ADAMTS12: variants seen among roughly 807,000 people sequenced by gnomAD.
ADAMTS12 encodes the protein A disintegrin and metalloproteinase with thrombospondin motifs 12.
In ADAMTS12, 118 loss-of-function variants were observed where a neutral mutation model predicts 167.8. The ratio of observed to expected loss-of-function variants is 0.70; its 90% CI spans 0.61 to 0.82. ADAMTS12 has a LOEUF of 0.82. Among genes scored for constraint, ADAMTS12 ranks in the 40% least tolerant of loss-of-function variants. ADAMTS12 has a pLI of 0.00. For synonymous variants in ADAMTS12, 704 were observed against 716.9 expected (o/e 0.98, Z 0.29); for missense variants, 1,916 against 1,998.8 (o/e 0.96, Z 0.79).
chr5:33,567,171 ATG>A (rs1746057032), intron 19 of ADAMTS12, among the ~76,000 whole-genome samples: 1 of 150,962 alleles, frequency 6.6e-6, no homozygotes, highest in African/African-American at 2.5e-5. Flanking sequence ...ACACACACAC[ATG>A]TCATTCATAT....
intron 2 of ADAMTS12, among the ~76,000 whole-genome samples, chr5:33,867,000 C>T (rs1296667245): frequency 6.6e-6 from 1 of 151,968 alleles, no homozygotes; most frequent in Non-Finnish European, 1.5e-5. Context: ...AATGCTTATA[C>T]ACTGCTGGTG....
intron 2 of ADAMTS12, among the ~76,000 whole-genome samples, chr5:33,770,557 T>C (rs1188804783): frequency 6.6e-6 from 1 of 152,110 alleles, no homozygotes. Context: ...ATCTGAAATA[T>C]AAACTCAGAA....
intron 2 of ADAMTS12, among the ~76,000 whole-genome samples, chr5:33,870,775 C>T (rs1479423547): frequency 1.3e-5 from 2 of 152,170 alleles, no homozygotes; most frequent in African/African-American, 4.8e-5. Flanking sequence ...AGTGAGTTCT[C>T]ATGAGATCTG....
chr5:33,560,990 C>T (rs921242097), intron 20 of ADAMTS12, 37 bp downstream of exon 20: 4 of 1,609,080 alleles, frequency 2.5e-6, no homozygotes, highest in Non-Finnish European at 3.4e-6. Context: ...TCCCCACCTT[C>T]TCTACCTCCA....
intron 16 of ADAMTS12, among the ~76,000 whole-genome samples, chr5:33,601,785 C>T (rs889364950): frequency 1.3e-5 from 2 of 152,170 alleles, no homozygotes; most frequent in Non-Finnish European, 2.9e-5. Flanking sequence ...TACTTTTTCT[C>T]TCCCTGAAAT....
At position 33,536,604 on chromosome 5, in the gene ADAMTS12, AGGT is replaced by A. The variant is rs1338787878; in HGVS notation, c.4447-1615_4447-1613del. 7.6e-3 allele frequency among the ~76,000 whole-genome samples: 1,152 copies of A among 152,268 alleles called. 13 individuals carry two copies. Among genetic ancestry groups the A allele is most frequent in the African/African-American group, 0.026 (1,090 of 41,536 alleles). ...AGTTTCACTTAATAATAGATCATAG[AGGT>A]TACGAGTGATTCCAAAGGCTGGCCT... is the stretch of plus-strand genomic sequence containing the variant. On this transcript the variant is annotated intron_variant, in intron 22 of 23. Coordinates refer to ENST00000504830, the MANE Select transcript of ADAMTS12 (RefSeq NM_030955.4).
intron 2 of ADAMTS12, among the ~76,000 whole-genome samples, chr5:33,875,388 G>A (rs916458575): frequency 4.6e-5 from 7 of 152,188 alleles, no homozygotes; most frequent in African/African-American, 1.4e-4. Flanking sequence ...TACTCCGGTG[G>A]GGGATGTTGA....
chr5:33,747,037 G>A (rs1201908591), intron 3 of ADAMTS12, among the ~76,000 whole-genome samples: 1 of 152,134 alleles, frequency 6.6e-6, no homozygotes, highest in Non-Finnish European at 1.5e-5. Flanking sequence ...TTTCCTACTG[G>A]TTGTTCTTAT....
chr5:33,848,992 T>C (rs1421360736), intron 2 of ADAMTS12, among the ~76,000 whole-genome samples: 2 of 150,756 alleles, frequency 1.3e-5, no homozygotes, highest in African/African-American at 2.4e-5. Flanking sequence ...TATATATATA[T>C]GTATTGCATA....
At chr5:33,762,633 T>C (rs926152093) in intron 2 of ADAMTS12, among the ~76,000 whole-genome samples, 2 of 152,058 alleles carry the variant, frequency 1.3e-5, no homozygotes, top group African/African-American at 4.8e-5. Flanking sequence ...GAAAAATCCA[T>C]GGAGGGAGAT....
At chr5:33,565,276 C>T (rs1375616163) in intron 19 of ADAMTS12, among the ~76,000 whole-genome samples, 1 of 152,194 alleles carries the variant, frequency 6.6e-6, no homozygotes, top group Admixed American at 6.5e-5. Flanking sequence ...ATGCTTCAGG[C>T]TCCCGAGTAG....
chr5:33,743,279 GGT>G (rs1022951079), intron 3 of ADAMTS12, among the ~76,000 whole-genome samples: 5 of 152,196 alleles, frequency 3.3e-5, no homozygotes, highest in Non-Finnish European at 5.9e-5. Context: ...GGCAGTCCAG[GGT>G]GGGGGAAGGC....
intron 2 of ADAMTS12, among the ~76,000 whole-genome samples, chr5:33,799,534 T>G (rs1455273447): frequency 6.6e-6 from 1 of 152,188 alleles, no homozygotes; most frequent in African/African-American, 2.4e-5. Context: ...AAACCATTTA[T>G]TGACATGCTA....
chr5:33,776,561 C>T (rs185495578), intron 2 of ADAMTS12, among the ~76,000 whole-genome samples: 95 of 152,116 alleles, frequency 6.2e-4, no homozygotes, highest in Middle Eastern at 3.4e-3. Context: ...ACTTATGGAA[C>T]GCAGCAAAAG....
chr5:33,760,305 C>T (rs1745302734), intron 2 of ADAMTS12, among the ~76,000 whole-genome samples: 1 of 151,642 alleles, frequency 6.6e-6, no homozygotes, highest in African/African-American at 2.4e-5. Context: ...TTTGTAAAGA[C>T]TATTCCCCTG....
chr5:33,602,216 G>A (rs917136540), intron 16 of ADAMTS12, among the ~76,000 whole-genome samples: 2 of 152,096 alleles, frequency 1.3e-5, no homozygotes, highest in African/African-American at 4.8e-5. Flanking sequence ...TCCGCTGGCC[G>A]CACAGGGTAA....
chr5:33,762,810 T>G (rs2112412281), intron 2 of ADAMTS12, among the ~76,000 whole-genome samples: 1 of 152,334 alleles, frequency 6.6e-6, no homozygotes, highest in Middle Eastern at 3.4e-3. Flanking sequence ...AGCAGTGCTG[T>G]GTTCTCCTTC....
chr5:33,649,504 T>C (rs2112192321), intron 8 of ADAMTS12, 50 bp downstream of exon 8: 1 of 1,593,486 alleles, frequency 6.3e-7, no homozygotes, highest in Non-Finnish European at 8.6e-7. Flanking sequence ...CAATGCAGCT[T>C]CCAATTTAAA....
chr5:33,812,115 G>A (rs960264368), intron 2 of ADAMTS12, among the ~76,000 whole-genome samples: 4 of 151,998 alleles, frequency 2.6e-5, no homozygotes, highest in African/African-American at 9.7e-5. Flanking sequence ...GAAAGACCTC[G>A]TTTCTACAAA....
Sources: allele counts gnomAD v4.1 joint callset (sites outside exome capture counted in the v4.1 genomes callset), GRCh38; gene constraint gnomAD v4.1.1; transcripts MANE v1.5; gene names NCBI Gene and HGNC (gene_info 2026-07-23, HGNC 2026-07-21).